MIER2: variants seen among roughly 807,000 people sequenced by gnomAD.
MIER2 encodes the protein mesoderm induction early response protein 2.
MIER2 carries 30 observed loss-of-function variants against 67.6 expected under a neutral mutation model. That is an observed-to-expected ratio of 0.44 (90% CI 0.33 to 0.60). The LOEUF (loss-of-function observed/expected upper bound fraction) is 0.60, where lower values mean the gene tolerates loss of function less well. Ranked by LOEUF, MIER2 falls within the 20% of genes least tolerant of loss-of-function variation. MIER2 has a pLI of 0.02. For synonymous variants in MIER2, 372 were observed against 312.6 expected, an observed-to-expected ratio of 1.19 and a Z score of -2.00; for missense variants, 702 against 745.1, an observed-to-expected ratio of 0.94 and a Z score of 0.67.
intron 1 of MIER2, among the ~76,000 whole-genome samples, chr19:342,835 A>C (rs1972564866): frequency 6.6e-6 from 1 of 152,050 alleles, no homozygotes; most frequent in African/African-American, 2.4e-5. Flanking sequence ...CTAGCTCTGA[A>C]GGGTGACCAT....
rs988889007 is a variant in MIER2 at position 344,663 on chromosome 19, C to T, written c.9+111G>A. On this transcript the variant is annotated intron_variant, in intron 1 of 13. Coordinates refer to ENST00000264819, the MANE Select transcript of MIER2 (RefSeq NM_017550.3). ...CCAGGCGCCCCGGCCGGCCTCAGAG[C>T]TCCAGAGCGGGGCTCTCCGTCCCTG... is the stretch of plus-strand genomic sequence containing the variant. The T allele has an allele frequency of 1.2e-5, 9 of 724,732 alleles. No homozygotes were observed. The East Asian group carries it at 5.7e-4, about 46-fold the overall frequency. The allele number at this position is 724,732 out of a possible 1,614,324, so 44.9% of individuals were successfully genotyped here. A position where few individuals can be genotyped will look rare whatever the true frequency, so the allele number is the denominator to read the frequency against.
chr19:344,277 G>A (rs909262518), intron 1 of MIER2: 2 of 985,288 alleles, frequency 2.0e-6, no homozygotes, highest in African/African-American at 1.7e-5. Flanking sequence ...CCGCCGGGGG[G>A]CTCGCGGGCG....
At chr19:338,170 CAAAAAAAAAAA>C (rs34351754) in intron 1 of MIER2, among the ~76,000 whole-genome samples, 231 of 76,916 alleles carry the variant, frequency 3.0e-3, no homozygotes, top group African/African-American at 7.7e-3. Flanking sequence ...GACTCCATCT[CAAAAAAAAAAA>C]AAAAAAAAAA....
rs1212434603 is a variant in MIER2 at position 336,164 on chromosome 19, G to T, written c.19C>A (p.Leu7Met). 1.2e-6 allele frequency: 2 copies of T among 1,612,922 alleles called. No individual in the cohort carries two copies. The highest frequency in any genetic ancestry group is 8.5e-7 in the Non-Finnish European group (1 of 1,179,392). Residue 7 changes from leucine (L) to methionine (M), a missense_variant, in exon 2 of 14, where the codon CTG (leucine) becomes ATG (methionine). By Grantham distance (15) the Leu-to-Met change is conservative (BLOSUM62 2). Coordinates refer to ENST00000264819, the MANE Select transcript of MIER2 (RefSeq NM_017550.3). Reference sequence around the variant, plus strand: ...ACCACGCGAGGACTCTGCCTCCCCAGCGAGGAGGCCTGCGAAGGAAGAGAG... The same window carrying T: ...ACCACGCGAGGACTCTGCCTCCCCATCGAGGAGGCCTGCGAAGGAAGAGAG... MAEASS[L>M]GRQSPRVVSC...
At chr19:344,161 G>A (rs901726537) in intron 1 of MIER2, 17 of 985,312 alleles carry the variant, frequency 1.7e-5, no homozygotes, top group Middle Eastern at 5.2e-4. Flanking sequence ...TCTGAGATCA[G>A]CCCCGACGCT....
intron 7 of MIER2, among the ~76,000 whole-genome samples, chr19:320,950 G>A (rs1258359877): frequency 2.0e-5 from 3 of 152,130 alleles, no homozygotes; most frequent in Non-Finnish European, 2.9e-5. Context: ...CAGACAGAAC[G>A]TCGGCACTAC....
rs1308239124 is a variant in MIER2 at position 306,393 on chromosome 19, C to T, written c.*297G>A. ...CCGGCTCTGCCCTGCGTCCCAACGGCGGGGTCTCTTCTGTCCCCGGCTGCC... is the reference window on the plus strand; with the variant it reads ...CCGGCTCTGCCCTGCGTCCCAACGGTGGGGTCTCTTCTGTCCCCGGCTGCC... On this transcript the variant is annotated 3_prime_UTR_variant, in exon 14 of 14. Coordinates refer to ENST00000264819, the MANE Select transcript of MIER2 (RefSeq NM_017550.3). The T allele has an allele frequency of 7.3e-6, 4 of 550,986 alleles. No individual in the cohort carries two copies. Among genetic ancestry groups the T allele is most frequent in the Middle Eastern group, 4.8e-4 (1 of 2,082 alleles). 34.1% of individuals were successfully genotyped at this position (550,986 alleles called of 1,614,324 possible). A position where few individuals can be genotyped will look rare whatever the true frequency, so the allele number is the denominator to read the frequency against.
chr19:328,271 A>G (rs2145485253), intron 3 of MIER2, among the ~76,000 whole-genome samples: 1 of 152,266 alleles, frequency 6.6e-6, no homozygotes, highest in South Asian at 2.1e-4. Context: ...AATTACAGGA[A>G]TACAAGGATG....
intron 7 of MIER2, among the ~76,000 whole-genome samples, chr19:322,633 T>C (rs985069555): frequency 6.6e-5 from 10 of 151,950 alleles, no homozygotes; most frequent in African/African-American, 1.9e-4. Context: ...CAGGAGTCCA[T>C]ATCCACCAGA....
intron 7 of MIER2, among the ~76,000 whole-genome samples, chr19:319,905 G>A (rs980505190): frequency 3.9e-5 from 6 of 152,116 alleles, no homozygotes; most frequent in African/African-American, 1.4e-4. Flanking sequence ...GAACATACAT[G>A]CAAAAATCAT....
chr19:314,313 T>C (rs535225403), intron 7 of MIER2, among the ~76,000 whole-genome samples: 52 of 152,182 alleles, frequency 3.4e-4, no homozygotes, highest in African/African-American at 1.2e-3. Flanking sequence ...TCAGATGCAA[T>C]TGGCTTTCGG....
rs1179624281 is a variant in MIER2, at chr19:305,703, G to C, written c.*987C>G. On this transcript the variant is annotated 3_prime_UTR_variant, in exon 14 of 14. Transcript: ENST00000264819. The stretch of plus-strand genomic sequence containing the variant: ...CTCGGAAAGGGGCTCGAGCACAAGA[G>C]GCCGGACGACACCCGGGGCAGGGCG... The C allele has an allele frequency of 6.6e-6, 1 of 152,580 alleles. No individual in the cohort carries two copies. The highest frequency in any genetic ancestry group is 6.5e-5 in the Admixed American group (1 of 15,286). 9.5% of individuals were successfully genotyped at this position (152,580 alleles called of 1,614,324 possible).
chr19:308,770 TGTC>T lies in MIER2; in HGVS notation c.1109+28_1109+30del. The T allele has an allele frequency of 6.3e-7, 1 of 1,594,962 alleles. No individual in the cohort carries two copies. Among genetic ancestry groups the T allele is most frequent in the Non-Finnish European group, 8.6e-7 (1 of 1,165,762 alleles). On this transcript the variant is annotated intron_variant, in intron 11 of 13. Coordinates refer to ENST00000264819, the MANE Select transcript of MIER2 (RefSeq NM_017550.3). This position sits in a 1 kb window ranked among gnomAD's most constrained non-coding sequence, Gnocchi z 9.1. ...GCCCACCCCCGGCGGGGTGGCCGCCTGTCGTTACTGCTGGGGAGGGCTGCACGC... is the reference window on the plus strand; with the variant it reads ...GCCCACCCCCGGCGGGGTGGCCGCCTGTTACTGCTGGGGAGGGCTGCACGC...
intron 7 of MIER2, among the ~76,000 whole-genome samples, chr19:316,123 C>A (rs895624100): frequency 6.6e-6 from 1 of 152,158 alleles, no homozygotes; most frequent in African/African-American, 2.4e-5. Context: ...AAGCAAAAAT[C>A]CAGGCTTTTC....
intron 2 of MIER2, among the ~76,000 whole-genome samples, chr19:335,860 G>A (rs947598633): frequency 2.6e-5 from 4 of 152,172 alleles, no homozygotes; most frequent in African/African-American, 9.7e-5. Flanking sequence ...TCTGAGGATG[G>A]TCTTGGGTCG....
rs529717499 is a variant in MIER2, at chr19:308,027, C to T, written c.1199-491G>A. On this transcript the variant is annotated intron_variant, in intron 12 of 13. Transcript: ENST00000264819. This position sits in a 1 kb window ranked among gnomAD's most constrained non-coding sequence, Gnocchi z 9.1. ...ACAACCAGACTCTGGAAATGGGGGACCCTCCCAGACTCAACCATCTAAACA... is the reference window on the plus strand; with the variant it reads ...ACAACCAGACTCTGGAAATGGGGGATCCTCCCAGACTCAACCATCTAAACA... Among the ~76,000 whole-genome samples the T allele has an allele frequency of 1.3e-5, 2 of 152,274 alleles. No individual in the cohort carries two copies. Among genetic ancestry groups the T allele is most frequent in the African/African-American group, 2.4e-5 (1 of 41,550 alleles).
chr19:343,509 A>G (rs1972594781), intron 1 of MIER2, among the ~76,000 whole-genome samples: 1 of 152,212 alleles, frequency 6.6e-6, no homozygotes, highest in Non-Finnish European at 1.5e-5. Context: ...CGTCTTTGGC[A>G]TAAACACAGG....
intron 7 of MIER2, among the ~76,000 whole-genome samples, chr19:319,552 G>A (rs978064322): frequency 1.1e-4 from 17 of 152,112 alleles, no homozygotes; most frequent in African/African-American, 3.1e-4. Flanking sequence ...GCTGCCTCCC[G>A]GGTTCAAGTG....
intron 1 of MIER2, among the ~76,000 whole-genome samples, chr19:340,143 A>C (rs952475769): frequency 6.6e-6 from 1 of 152,216 alleles, no homozygotes; most frequent in African/African-American, 2.4e-5. Flanking sequence ...AAGCTCAAAG[A>C]GATAGAGTCA....
Sources: allele counts gnomAD v4.1 joint callset (sites outside exome capture counted in the v4.1 genomes callset), GRCh38; gene constraint gnomAD v4.1.1; non-coding constraint Gnocchi (gnomAD v3.1); transcripts MANE v1.5; gene names NCBI Gene and HGNC (gene_info 2026-07-23, HGNC 2026-07-21).